PHF2: variants seen among roughly 807,000 people sequenced by gnomAD.
PHF2 encodes the protein PHD finger protein 2.
A neutral mutation model predicts 120.5 loss-of-function variants in PHF2; 27 were observed. That is an observed-to-expected ratio of 0.22 (90% CI 0.17 to 0.31). The LOEUF (loss-of-function observed/expected upper bound fraction) is 0.31. Among genes scored for constraint, PHF2 ranks in the 10% least tolerant of loss-of-function variants. PHF2 has a pLI of 1.00. For missense variants in PHF2, 1,024 were observed against 1,434.8 expected, an observed-to-expected ratio of 0.71 and a Z score of 4.63; for synonymous variants, 568 against 592.5, an observed-to-expected ratio of 0.96 and a Z score of 0.60.
At chr9:93,641,254 C>A (rs1826168136) in intron 3 of PHF2, among the ~76,000 whole-genome samples, 1 of 152,184 alleles carries the variant, frequency 6.6e-6, no homozygotes, top group Non-Finnish European at 1.5e-5. Context: ...TGGAGAACAA[C>A]ACTCTGGATG....
At chr9:93,586,115 G>A (rs1863039462) in intron 1 of PHF2, among the ~76,000 whole-genome samples, 1 of 152,244 alleles carries the variant, frequency 6.6e-6, no homozygotes, top group Non-Finnish European at 1.5e-5. Context: ...ACATTGCCTG[G>A]AGAAGGGGTG....
chr9:93,587,397 G>A (rs1011161148), intron 1 of PHF2, among the ~76,000 whole-genome samples: 5 of 150,068 alleles, frequency 3.3e-5, no homozygotes, highest in African/African-American at 4.9e-5. Flanking sequence ...GATGAGGGAC[G>A]GAGGAGCCCC....
chr9:93,615,180 G>GAT (rs1825706893), intron 1 of PHF2, among the ~76,000 whole-genome samples: 2 of 118,692 alleles, frequency 1.7e-5, no homozygotes, highest in South Asian at 4.9e-4. Context: ...TGATAGTAAT[G>GAT]GTGATGGCGA....
chr9:93,636,806 A>C (rs1271525188), intron 3 of PHF2, among the ~76,000 whole-genome samples: 1 of 152,032 alleles, frequency 6.6e-6, no homozygotes, highest in Non-Finnish European at 1.5e-5. Flanking sequence ...CTCTCTCCCA[A>C]CCTGAGTATG....
chr9:93,621,458 A>C (rs1261155036), intron 1 of PHF2, among the ~76,000 whole-genome samples: 1 of 152,188 alleles, frequency 6.6e-6, no homozygotes, highest in Admixed American at 6.5e-5. Flanking sequence ...CACCCAGTTC[A>C]TCCTCCCAGC....
intron 20 of PHF2, among the ~76,000 whole-genome samples, chr9:93,676,217 A>G (rs183565632): frequency 6.6e-6 from 1 of 152,208 alleles, no homozygotes; most frequent in African/African-American, 2.4e-5. Flanking sequence ...GGAGGGTCCT[A>G]GAGCCTCACA....
At chr9:93,593,491 C>T (rs902978213) in intron 1 of PHF2, among the ~76,000 whole-genome samples, 2 of 152,186 alleles carry the variant, frequency 1.3e-5, no homozygotes, top group Non-Finnish European at 1.5e-5. Flanking sequence ...AATTGGTTTC[C>T]TTAGAAACCA....
chr9:93,652,313 G>A (rs916749575), intron 5 of PHF2, among the ~76,000 whole-genome samples: 1 of 108,302 alleles, frequency 9.2e-6, no homozygotes, highest in Admixed American at 9.4e-5. Flanking sequence ...TTTTTTTTTG[G>A]AGATGGAGTC....
rs1826939855 is a variant in PHF2 at position 93,677,485 on chromosome 9, G to C, written c.3203-103G>C. On this transcript the variant is annotated intron_variant, in intron 21 of 21. Transcript: ENST00000359246. This position sits in a 1 kb window ranked among gnomAD's most constrained non-coding sequence, Gnocchi z 4.4. ...CCATTTTACAGATGGGGGACTGCAG[G>C]CTGCCCCTTAGTGTCAGCGGGACCC... 6.2e-6 allele frequency: 5 copies of C among 804,140 alleles called. No homozygotes were observed. Among genetic ancestry groups the C allele is most frequent in the Non-Finnish European group, 8.5e-6 (4 of 472,146 alleles). The allele number at this position is 804,140 out of a possible 1,614,324, so 49.8% of individuals were successfully genotyped here.
chr9:93,654,352 C>T, intron 6 of PHF2, 61 bp from the exon 7 acceptor site: 1 of 1,558,102 alleles, frequency 6.4e-7, no homozygotes, highest in Non-Finnish European at 8.8e-7. Context: ...GGACCTGTCA[C>T]TTGCACCCCC....
intron 2 of PHF2, 76 bp from the exon 3 acceptor site, chr9:93,636,335 A>G (rs1319357468): frequency 1.7e-6 from 2 of 1,183,166 alleles, no homozygotes; most frequent in Non-Finnish European, 2.4e-6. Context: ...GGGTGGGCCA[A>G]GGTTCTTAGG....
Position 93,649,177 on chromosome 9 carries a change from C to T in PHF2, c.567C>T (p.Val189=). The T allele has an allele frequency of 1.3e-6, 2 of 1,551,260 alleles. No homozygotes were observed. Among genetic ancestry groups the T allele is most frequent in the Non-Finnish European group, 1.7e-6 (2 of 1,146,942 alleles). Reference sequence around the variant, plus strand: ...ACTACAGCACCAACCGCAAGCGGGTCCTCAACGTCACCAACCTCGAGTTCT... The same window carrying T: ...ACTACAGCACCAACCGCAAGCGGGTTCTCAACGTCACCAACCTCGAGTTCT... The part of the protein sequence containing the change: ...DYYYSTNRKR[V]LNVTNLEFSD... The change falls in exon 5 of 22, where the codon GTC becomes GTT. Residue 189 remains valine, a synonymous_variant. Coordinates refer to ENST00000359246, the MANE Select transcript of PHF2 (RefSeq NM_005392.4).
chr9:93,590,190 C>A (rs1162880005), intron 1 of PHF2, among the ~76,000 whole-genome samples: 3 of 152,196 alleles, frequency 2.0e-5, no homozygotes, highest in Non-Finnish European at 4.4e-5. Flanking sequence ...TGATCTTTGT[C>A]AATTCAACCA....
intron 5 of PHF2, among the ~76,000 whole-genome samples, chr9:93,650,565 G>A (rs780263548): frequency 2.0e-5 from 3 of 152,210 alleles, no homozygotes; most frequent in South Asian, 2.1e-4. Flanking sequence ...ACTAGTTGTC[G>A]TCAGCCCTGC....
chr9:93,645,604 G>C (rs764917523), intron 3 of PHF2, 25 bp from the exon 4 acceptor site: 1 of 1,540,724 alleles, frequency 6.5e-7, no homozygotes, highest in South Asian at 1.2e-5. Context: ...GCCCAATGTG[G>C]CCTCTGACCT....
chr9:93,578,501 C>A (rs916625747), intron 1 of PHF2, among the ~76,000 whole-genome samples: 1 of 152,244 alleles, frequency 6.6e-6, no homozygotes, highest in Non-Finnish European at 1.5e-5. Context: ...CCCCCATCTC[C>A]ACCGGAGCCC....
At chr9:93,675,216 T>G (rs1826886341) in intron 19 of PHF2, among the ~76,000 whole-genome samples, 194 bp downstream of exon 19, 1 of 152,210 alleles carries the variant, frequency 6.6e-6, no homozygotes, top group Non-Finnish European at 1.5e-5. Context: ...CTGCTTTGCT[T>G]CTGGGGGCCT....
At chr9:93,673,426 G>A (rs575924733) in intron 17 of PHF2, among the ~76,000 whole-genome samples, 159 bp from the exon 18 acceptor site, 1 of 152,086 alleles carries the variant, frequency 6.6e-6, no homozygotes, top group Non-Finnish European at 1.5e-5. Context: ...CAAGGGAGAA[G>A]TCATCAGCTC....
chr9:93,672,030 G>C (rs1447551537), intron 17 of PHF2, among the ~76,000 whole-genome samples: 1 of 146,316 alleles, frequency 6.8e-6, no homozygotes, highest in East Asian at 2.2e-4. Context: ...GTGGGAGTAG[G>C]CACAGGTGTA....
Sources: gnomAD v4.1 joint callset for allele counts (sites outside exome capture counted in the v4.1 genomes callset) on GRCh38, gnomAD v4.1.1 for gene constraint, Gnocchi (gnomAD v3.1) non-coding constraint, MANE v1.5 for transcripts, NCBI Gene and HGNC (gene_info 2026-07-23, HGNC 2026-07-21) for gene names.